FGF8: variants seen among roughly 807,000 people sequenced by gnomAD.
FGF8 encodes the protein fibroblast growth factor 8, also known as androgen-induced growth factor.
A neutral mutation model predicts 29.7 loss-of-function variants in FGF8; 12 were observed. That is an observed-to-expected ratio of 0.40 (90% confidence interval 0.26 to 0.65). The LOEUF (loss-of-function observed/expected upper bound fraction) is 0.65, where lower values mean the gene tolerates loss of function less well. Ranked by LOEUF, FGF8 falls within the 30% of genes least tolerant of loss-of-function variation. The pLI, the probability that FGF8 is intolerant of heterozygous loss-of-function variation, is 0.37. For missense variants in FGF8, 271 were observed against 345.1 expected (o/e 0.79, Z 1.70); for synonymous variants, 157 against 144.4 (o/e 1.09, Z -0.63).
rs1329250507 is a variant in FGF8, at chr10:101,775,810, C to G, written c.33-34G>C. 1.3e-6 allele frequency: 2 copies of G among 1,530,872 alleles called. No individual in the cohort carries two copies. The highest frequency in any genetic ancestry group is 2.0e-5 in the Admixed American group (1 of 50,470). 94.8% of individuals were successfully genotyped at this position (1,530,872 alleles called of 1,614,324 possible). A position where few individuals can be genotyped will look rare whatever the true frequency, so the allele number is the denominator to read the frequency against. ...GACAAAAGCGGGCGGGAGAGAGAGGCGCGGGTGAGGCGAGGGGCGCGGGGG... is the reference window on the plus strand; with the variant it reads ...GACAAAAGCGGGCGGGAGAGAGAGGGGCGGGTGAGGCGAGGGGCGCGGGGG... On this transcript the variant is annotated intron_variant, in intron 1 of 5. Transcript: ENST00000320185. This position sits in a 1 kb window ranked among gnomAD's most constrained non-coding sequence, Gnocchi z 4.6.
chr10:101,771,526 T>G lies in FGF8; in HGVS notation c.381A>C (p.Arg127=). The G allele has an allele frequency of 6.2e-7, 1 of 1,614,226 alleles. No homozygotes were observed. The highest frequency in any genetic ancestry group is 8.5e-7 in the Non-Finnish European group (1 of 1,180,042). ...AGAGGCCCGTCTCGGCTCCTCGGAC[T>G]CGAACTCTGCTTCCAAAGGTGTCCG... ...VETDTFGSRV[R]VRGAETGLYI... is the part of the protein sequence containing the mutation. The change falls in exon 5 of 6, where the codon CGA becomes CGC. Residue 127 remains arginine, a synonymous_variant. Transcript: ENST00000320185. The surrounding 1 kb of genome is among the most constrained non-coding windows in gnomAD (Gnocchi z 5.3).
At position 101,775,212 on chromosome 10, in the gene FGF8, C is replaced by T; in HGVS notation, c.74G>A (p.Gly25Asp). ...GCCCAGCGCAGGGCCCCTGCCCGGG[C>T]CTTCCTAGAGGAGCAGGGCGCTTTT... ...LLVLCLQAQE[G>D]PGRGPALGRE... Residue 25 changes from glycine (G) to aspartate (D), a missense_variant, in exon 3 of 6, where the codon GGC becomes GAC. Physicochemically the swap from Gly to Asp is moderately conservative, Grantham distance 94. Around this residue, in one of 3 missense-constraint regions of FGF8, gnomAD observed 168 missense variants for 207.0 expected, o/e 0.81. Coordinates refer to ENST00000320185, the MANE Select transcript of FGF8 (RefSeq NM_033163.5). This position sits in a 1 kb window ranked among gnomAD's most constrained non-coding sequence, Gnocchi z 4.6. 1 of 1,539,834 alleles carries T rather than the reference C, an allele frequency of 6.5e-7. No individual in the cohort carries two copies. The highest frequency in any genetic ancestry group is 8.8e-7 in the Non-Finnish European group (1 of 1,139,198).
chr10:101,776,335 T>G (rs2065093775), upstream of FGF8, among the ~76,000 whole-genome samples: 1 of 80,686 alleles, frequency 1.2e-5, no homozygotes, highest in East Asian at 3.3e-4. Flanking sequence ...GGTTCGGGAT[T>G]GAGGGTCTGG....
upstream of FGF8, among the ~76,000 whole-genome samples, chr10:101,779,210 G>A (rs2065123000): frequency 6.6e-6 from 1 of 152,090 alleles, no homozygotes; most frequent in South Asian, 2.1e-4. This position sits in a 1 kb window ranked among gnomAD's most constrained non-coding sequence, Gnocchi z 5.7. Context: ...GCTCCGACGC[G>A]CGCTTCCTGC....
chr10:101,770,154 A>T lies in FGF8; in HGVS notation c.*175T>A. 1 of 550,984 alleles carries T rather than the reference A, an allele frequency of 1.8e-6. No individual in the cohort carries two copies. Among genetic ancestry groups the T allele is most frequent in the Non-Finnish European group, 3.1e-6 (1 of 323,142 alleles). The allele number at this position is 550,984 out of a possible 1,614,324, so 34.1% of individuals were successfully genotyped here. A position where few individuals can be genotyped will look rare whatever the true frequency, so the allele number is the denominator to read the frequency against. On this transcript the variant is annotated 3_prime_UTR_variant, in exon 6 of 6. Coordinates refer to ENST00000320185, the MANE Select transcript of FGF8 (RefSeq NM_033163.5). ...TCTCTTTTGTTTTAAAAAAAAAAAA[A>T]AAAAAAAAAACAGCAAAAACCCAAC...
Position 101,770,233 on chromosome 10 carries a change from T to C in FGF8, c.*96A>G. 1 of 1,252,404 alleles carries C rather than the reference T, an allele frequency of 8.0e-7. No individual in the cohort carries two copies. The highest frequency in any genetic ancestry group is 1.1e-6 in the Non-Finnish European group (1 of 917,392). 77.6% of individuals were successfully genotyped at this position (1,252,404 alleles called of 1,614,324 possible). A position where few individuals can be genotyped will look rare whatever the true frequency, so the allele number is the denominator to read the frequency against. On this transcript the variant is annotated 3_prime_UTR_variant, in exon 6 of 6. Transcript: ENST00000320185. Reference sequence around the variant, plus strand: ...GGGCTCCCCCAGCACCTCCCCAGCCTGCAGAGCAGCGCACAGCTCATCTTG... The same window carrying C: ...GGGCTCCCCCAGCACCTCCCCAGCCCGCAGAGCAGCGCACAGCTCATCTTG...
upstream of FGF8, among the ~76,000 whole-genome samples, chr10:101,779,026 C>T (rs141976133): frequency 5.5e-4 from 84 of 152,274 alleles, no homozygotes; most frequent in African/African-American, 1.9e-3. This position sits in a 1 kb window ranked among gnomAD's most constrained non-coding sequence, Gnocchi z 5.7. Flanking sequence ...CAGACACAAA[C>T]TCCCTCGCCT....
At chr10:101,770,857 A>G (rs2065014452) in intron 5 of FGF8, among the ~76,000 whole-genome samples, 1 of 151,404 alleles carries the variant, frequency 6.6e-6, no homozygotes, top group Admixed American at 6.6e-5. Flanking sequence ...CTGGGCCCCA[A>G]CGCAGAAAGA....
chr10:101,770,226 C>T lies in FGF8; in HGVS notation c.*103G>A. On this transcript the variant is annotated 3_prime_UTR_variant, in exon 6 of 6. Coordinates refer to ENST00000320185, the MANE Select transcript of FGF8 (RefSeq NM_033163.5). ...GAACCCAGGGCTCCCCCAGCACCTC[C>T]CCAGCCTGCAGAGCAGCGCACAGCT... The T allele has an allele frequency of 8.4e-7, 1 of 1,195,104 alleles. No individual in the cohort carries two copies. Among genetic ancestry groups the T allele is most frequent in the Non-Finnish European group, 1.1e-6 (1 of 870,584 alleles). 74.0% of individuals were successfully genotyped at this position (1,195,104 alleles called of 1,614,324 possible).
upstream of FGF8, among the ~76,000 whole-genome samples, chr10:101,779,417 A>G (rs1229612345): frequency 1.3e-5 from 2 of 152,232 alleles, no homozygotes; most frequent in Non-Finnish European, 2.9e-5. The surrounding 1 kb of genome is among the most constrained non-coding windows in gnomAD (Gnocchi z 5.7). Context: ...GTGAGCCGGC[A>G]GCGCTCCTAC....
Position 101,770,454 on chromosome 10 carries a change from T to C in FGF8, c.610A>G (p.Met204Val), listed in dbSNP as rs1564630268. 6.2e-7 allele frequency: 1 copy of C among 1,612,274 alleles called. No individual in the cohort carries two copies. Among genetic ancestry groups the C allele is most frequent in the Non-Finnish European group, 8.5e-7 (1 of 1,179,258 alleles). Residue 204 changes from methionine to valine, a missense_variant, in exon 6 of 6, where the codon ATG (methionine) becomes GTG (valine). Transcript: ENST00000320185. ...TGGTGGCCCCGGGGCAGCCGCTTCA[T>C]GAAGTGGACCTCACGCTGGTGCTGC... The part of the protein sequence containing the change: ...TRQHQREVHF[M>V]KRLPRGHHTT...
chr10:101,780,000 C>T (rs993810928), upstream of FGF8, among the ~76,000 whole-genome samples: 8 of 152,242 alleles, frequency 5.3e-5, no homozygotes, highest in Admixed American at 5.2e-4. The surrounding 1 kb of genome is among the most constrained non-coding windows in gnomAD (Gnocchi z 5.7). Flanking sequence ...GGCGCCCGCC[C>T]GGAGCCTCTA....
At chr10:101,779,953 C>G (rs2135009210), upstream of FGF8, among the ~76,000 whole-genome samples, 1 of 152,372 alleles carries the variant, frequency 6.6e-6, no homozygotes. This position sits in a 1 kb window ranked among gnomAD's most constrained non-coding sequence, Gnocchi z 5.7. Flanking sequence ...ATTCGGCCGC[C>G]CAGAGCAGTG....
rs201793069 is a variant in FGF8 at position 101,771,484 on chromosome 10, C to G, written c.423G>C (p.Lys141Asn). 1 of 1,614,176 alleles carries G rather than the reference C, an allele frequency of 6.2e-7. No homozygotes were observed. Among genetic ancestry groups the G allele is most frequent in the South Asian group, 1.1e-5 (1 of 91,082 alleles). ...TCACCTTGGCGATCAGCTTCCCCTT[C>G]TTGTTCATGCAGATGTAGAGGCCCG... Reference protein sequence around the residue: ...AETGLYICMNKKGKLIAKSNG... With the variant: ...AETGLYICMNNKGKLIAKSNG... Residue 141 changes from lysine (K) to asparagine (N), a missense_variant, in exon 5 of 6, where the codon AAG (lysine) becomes AAC (asparagine). Transcript: ENST00000320185. This position sits in a 1 kb window ranked among gnomAD's most constrained non-coding sequence, Gnocchi z 5.3.
At chr10:101,770,831 G>A (rs2065013983) in intron 5 of FGF8, among the ~76,000 whole-genome samples, 1 of 152,222 alleles carries the variant, frequency 6.6e-6, no homozygotes, top group African/African-American at 2.4e-5. Flanking sequence ...GTGACACATG[G>A]TTGTCTACGG....
Position 101,771,695 on chromosome 10 carries a change from C to T in FGF8, c.338-126G>A, listed in dbSNP as rs760197565. On this transcript the variant is annotated intron_variant, in intron 4 of 5. Transcript: ENST00000320185. This position sits in a 1 kb window ranked among gnomAD's most constrained non-coding sequence, Gnocchi z 5.3. ...CCCAAAACATGGACTCCAGCTCCAGCCCAGCTACTAACATGCTGTGCAACC... is the reference window on the plus strand; with the variant it reads ...CCCAAAACATGGACTCCAGCTCCAGTCCAGCTACTAACATGCTGTGCAACC... 96 of 756,852 alleles carry T rather than the reference C, an allele frequency of 1.3e-4. No individual in the cohort carries two copies. In the African/African-American group the frequency reaches 1.5e-3, roughly 12 times the overall value. The allele number at this position is 756,852 out of a possible 1,614,324, so 46.9% of individuals were successfully genotyped here.
At position 101,773,546 on chromosome 10, in the gene FGF8, G is replaced by A. The variant is rs533928422; in HGVS notation, c.337+1186C>T. ...GCAGTTTACGGCAGCTCTCCCGACC[G>A]GGCTTTTGGAAAGCTTAACATTTTC... On this transcript the variant is annotated intron_variant, in intron 4 of 5. Transcript: ENST00000320185. Among the ~76,000 whole-genome samples the A allele has an allele frequency of 4.1e-5, 6 of 146,960 alleles. No homozygotes were observed. The East Asian group carries it at 6.2e-4, about 15-fold the overall frequency.
Position 101,771,377 on chromosome 10 carries a change from A to G in FGF8, c.444+86T>C. On this transcript the variant is annotated intron_variant, in intron 5 of 5. Transcript: ENST00000320185. The surrounding 1 kb of genome is among the most constrained non-coding windows in gnomAD (Gnocchi z 5.3). ...GCCTTCTGCCTACCTTGTTGGGATC[A>G]GAGCCCAGGACTGTCTTGGAGGAGT... 1.0e-6 allele frequency: 1 copy of G among 1,004,368 alleles called. No individual in the cohort carries two copies. 62.2% of individuals were successfully genotyped at this position (1,004,368 alleles called of 1,614,324 possible). A position where few individuals can be genotyped will look rare whatever the true frequency, so the allele number is the denominator to read the frequency against.
At chr10:101,773,996 T>C (rs1408731074) in intron 4 of FGF8, among the ~76,000 whole-genome samples, 1 of 152,244 alleles carries the variant, frequency 6.6e-6, no homozygotes, top group Admixed American at 6.5e-5. Flanking sequence ...AACGTGGTCA[T>C]TATTTAAAGG....
Sources: allele counts gnomAD v4.1 joint callset (sites outside exome capture counted in the v4.1 genomes callset), GRCh38; gene constraint gnomAD v4.1.1; regional missense constraint gnomAD v4.1.1; non-coding constraint Gnocchi (gnomAD v3.1); transcripts MANE v1.5; gene names NCBI Gene and HGNC (gene_info 2026-07-23, HGNC 2026-07-21).